Variants in GSR observed in about 807,000 individuals in gnomAD.
GSR encodes glutathione reductase, mitochondrial.
A neutral mutation model predicts 56.5 loss-of-function variants in GSR; 48 were observed. That is an observed-to-expected ratio of 0.85 (90% CI 0.67 to 1.08). GSR has a LOEUF of 1.08. Ranked by LOEUF, GSR falls within the 50% of genes least tolerant of loss-of-function variation. GSR has a pLI of 0.00. For missense variants in GSR, 694 were observed against 703.3 expected (o/e 0.99, Z 0.15); for synonymous variants, 264 against 270.8 (o/e 0.97, Z 0.25).
At chr8:30,686,795 T>A (rs1455250583) in intron 9 of GSR, among the ~76,000 whole-genome samples, 1 of 152,052 alleles carries the variant, frequency 6.6e-6, no homozygotes, top group African/African-American at 2.4e-5. Flanking sequence ...AAAAGCTGAA[T>A]GACCAGTTTT....
intron 1 of GSR, 93 bp downstream of exon 1, chr8:30,727,437 G>C: frequency 2.5e-6 from 3 of 1,211,536 alleles, no homozygotes; most frequent in Non-Finnish European, 3.5e-6. Flanking sequence ...CCAGCGCCGG[G>C]GGACAGGATC....
intron 5 of GSR, among the ~76,000 whole-genome samples, chr8:30,701,096 T>C (rs1020573102): frequency 3.9e-5 from 6 of 152,198 alleles, no homozygotes; most frequent in African/African-American, 1.4e-4. Context: ...CTCCCAATAA[T>C]GCAGACAAAG....
intron 1 of GSR, among the ~76,000 whole-genome samples, chr8:30,725,817 G>A (rs779051566): frequency 1.3e-5 from 2 of 148,994 alleles, no homozygotes; most frequent in Non-Finnish European, 3.0e-5. Context: ...GGGAGGCAGA[G>A]GTTGCAGTGA....
At chr8:30,693,110 C>T (rs903187522) in intron 7 of GSR, 55 bp from the exon 8 acceptor site, 9 of 1,078,648 alleles carry the variant, frequency 8.3e-6, no homozygotes, top group Non-Finnish European at 1.2e-5. Context: ...TGAGCAAAGA[C>T]ACACCACAAA....
chr8:30,726,375 T>C (rs911611468), intron 1 of GSR, among the ~76,000 whole-genome samples: 2 of 152,138 alleles, frequency 1.3e-5, no homozygotes, highest in Non-Finnish European at 2.9e-5. Context: ...CTATCCCAAA[T>C]CCCAGGTTCC....
chr8:30,699,358 C>T (rs552479429), intron 6 of GSR, among the ~76,000 whole-genome samples: 3 of 151,878 alleles, frequency 2.0e-5, no homozygotes, highest in African/African-American at 7.2e-5. Flanking sequence ...TCTGTAATTC[C>T]AGCACTTTGG....
At chr8:30,698,744 C>T (rs1803630646) in intron 6 of GSR, among the ~76,000 whole-genome samples, 1 of 152,166 alleles carries the variant, frequency 6.6e-6, no homozygotes, top group East Asian at 1.9e-4. Context: ...AGGATTAGGA[C>T]CTCAAACTGG....
At chr8:30,697,413 C>CAA (rs370668599) in intron 6 of GSR, among the ~76,000 whole-genome samples, 3 of 143,426 alleles carry the variant, frequency 2.1e-5, no homozygotes, top group African/African-American at 5.1e-5. Context: ...GACTCTGTCT[C>CAA]AAAAAAACAA....
intron 1 of GSR, among the ~76,000 whole-genome samples, chr8:30,725,844 T>A (rs1461642482): frequency 1.4e-5 from 2 of 144,158 alleles, no homozygotes; most frequent in Non-Finnish European, 3.0e-5. Context: ...ATTGCACCAC[T>A]GTACTCCAGC....
rs1315115198 is a variant in GSR at position 30,698,846 on chromosome 8, G to A, written c.695+1235C>T. 2.1e-5 allele frequency among the ~76,000 whole-genome samples: 3 copies of A among 141,476 alleles called. No homozygotes were observed. The Admixed American group carries it at 2.2e-4, about 10-fold the overall frequency. The allele number at this position is 141,476 out of a possible 152,430, so 92.8% of individuals were successfully genotyped here. ...AAGATGAATGAAGGCCAGTCCCTGC[G>A]CCAACACATTGGGTCCCTCCACCTG... On this transcript the variant is annotated intron_variant, in intron 6 of 12. Transcript: ENST00000221130.
At chr8:30,712,110 A>T in intron 1 of GSR, 22 bp from the exon 2 acceptor site, 1 of 1,351,434 alleles carries the variant, frequency 7.4e-7, no homozygotes, top group Non-Finnish European at 1.0e-6. Context: ...AAAAAGAGAC[A>T]CACTTTAAGA....
chr8:30,705,579 AAAG>A (rs1293312292), intron 4 of GSR, among the ~76,000 whole-genome samples: 1 of 151,972 alleles, frequency 6.6e-6, no homozygotes, highest in Admixed American at 6.6e-5. Flanking sequence ...ACGTTTTTTA[AAAG>A]TAGTAGGGTG....
At chr8:30,684,534 A>G (rs1803089465) in intron 9 of GSR, among the ~76,000 whole-genome samples, 1 of 152,208 alleles carries the variant, frequency 6.6e-6, no homozygotes, top group Non-Finnish European at 1.5e-5. Flanking sequence ...ATCTTGCTTA[A>G]CATAAAAGGT....
Position 30,727,783 on chromosome 8 carries a change from C to CGCCGCCA in GSR, c.46_52dup (p.Arg18LeufsTer51). On this transcript the variant is annotated frameshift_variant, in exon 1 of 13. Coordinates refer to ENST00000221130, the MANE Select transcript of GSR (RefSeq NM_000637.5). LOFTEE classifies it high-confidence loss of function. ...GAAGCCTCGGAAGGCGCGCGCCGCC[C>CGCCGCCA]GCCGCCAGCTCGGTCCCGCGCCGGC... 1.5e-6 allele frequency: 2 copies of CGCCGCCA among 1,354,398 alleles called. No homozygotes were observed. The highest frequency in any genetic ancestry group is 1.9e-6 in the Non-Finnish European group (2 of 1,052,778). The allele number at this position is 1,354,398 out of a possible 1,614,324, so 83.9% of individuals were successfully genotyped here.
chr8:30,709,269 G>A (rs8190944), intron 3 of GSR, among the ~76,000 whole-genome samples: 18,089 of 152,122 alleles, frequency 0.12, 1,074 homozygotes, highest in South Asian at 0.14. Context: ...GGAGGCTGAA[G>A]TGGGAGGATA....
chr8:30,695,963 C>G, intron 7 of GSR, among the ~76,000 whole-genome samples: 1 of 152,012 alleles, frequency 6.6e-6, no homozygotes, highest in East Asian at 1.9e-4. Context: ...TCGCTTGAGC[C>G]CAGGAGGCAG....
chr8:30,707,606 G>T (rs562463827), intron 4 of GSR, among the ~76,000 whole-genome samples: 1 of 152,208 alleles, frequency 6.6e-6, no homozygotes, highest in East Asian at 1.9e-4. Flanking sequence ...GCTACAGTGA[G>T]CTATCATTGC....
intron 12 of GSR, among the ~76,000 whole-genome samples, chr8:30,680,241 G>A (rs1194227001): frequency 6.6e-6 from 1 of 151,972 alleles, no homozygotes; most frequent in Admixed American, 6.6e-5. Context: ...GCCAATTTTT[G>A]TATTTTTAGT....
Position 30,712,095 on chromosome 8 carries a change from A to G in GSR, c.307-7T>C, listed in dbSNP as rs1211947814. On this transcript the variant is annotated splice_polypyrimidine_tract_variant and splice_region_variant and intron_variant, in intron 1 of 12. Transcript: ENST00000221130. ...GTACACATCCAACATTCACCTGGAA[A>G]AAAAAAAAAGAGACACACTTTAAGA... 1.4e-6 allele frequency: 2 copies of G among 1,417,902 alleles called. No homozygotes were observed. The highest frequency in any genetic ancestry group is 2.0e-6 in the Non-Finnish European group (2 of 1,012,954). The allele number at this position is 1,417,902 out of a possible 1,614,324, so 87.8% of individuals were successfully genotyped here. A position where few individuals can be genotyped will look rare whatever the true frequency, so the allele number is the denominator to read the frequency against.
Sources: allele counts gnomAD v4.1 joint callset (sites outside exome capture counted in the v4.1 genomes callset), GRCh38; gene constraint gnomAD v4.1.1; transcripts MANE v1.5; gene names NCBI Gene and HGNC (gene_info 2026-07-23, HGNC 2026-07-21).